The following NFIA variants were observed in gnomAD, a reference collection of about 807,000 sequenced individuals.
The protein encoded by NFIA is nuclear factor 1 A-type.
NFIA carries 8 observed loss-of-function variants against 62.8 expected under a neutral mutation model. The observed-to-expected ratio is 0.13, with a 90% CI of 0.07 to 0.23. NFIA has a LOEUF of 0.23. Among genes scored for constraint, NFIA ranks in the 10% least tolerant of loss-of-function variants. The probability of loss-of-function intolerance (pLI) is 1.00; values close to 1 mark genes in which losing one functional copy is unlikely to be tolerated. For missense variants in NFIA, 410 were observed against 642.1 expected, an observed-to-expected ratio of 0.64 and a Z score of 3.91; for synonymous variants, 235 against 238.1, an observed-to-expected ratio of 0.99 and a Z score of 0.12.
chr1:61,080,332 C>A (rs1200019520), upstream of NFIA, among the ~76,000 whole-genome samples: 1 of 150,400 alleles, frequency 6.6e-6, no homozygotes, highest in Non-Finnish European at 1.5e-5. Flanking sequence ...TAAAAAAAAT[C>A]TTTTTTTTCC....
intron 3 of NFIA, among the ~76,000 whole-genome samples, chr1:61,328,182 G>T (rs547146497): frequency 4.1e-4 from 62 of 150,482 alleles, no homozygotes; most frequent in African/African-American, 1.4e-3. Flanking sequence ...CATATTTCTT[G>T]TAAACTTTCT....
At chr1:61,247,792 T>C (rs1655746708) in intron 2 of NFIA, among the ~76,000 whole-genome samples, 1 of 152,146 alleles carries the variant, frequency 6.6e-6, no homozygotes, top group African/African-American at 2.4e-5. Flanking sequence ...TGGTTTTAAC[T>C]TGGAAAAAGG....
intron 2 of NFIA, among the ~76,000 whole-genome samples, chr1:61,242,194 C>T (rs912470433): frequency 1.6e-4 from 25 of 152,170 alleles, no homozygotes; most frequent in African/African-American, 5.1e-4. Flanking sequence ...GTGTAAATAC[C>T]GGATGCAGGG....
chr1:61,403,034 G>A (rs1229869840), intron 7 of NFIA, among the ~76,000 whole-genome samples: 2 of 152,182 alleles, frequency 1.3e-5, no homozygotes, highest in African/African-American at 2.4e-5. Context: ...TCAGTATTAT[G>A]AGTCATTCTT....
At chr1:61,388,600 A>G (rs1310644532) in intron 7 of NFIA, among the ~76,000 whole-genome samples, 1 of 152,212 alleles carries the variant, frequency 6.6e-6, no homozygotes, top group Non-Finnish European at 1.5e-5. Context: ...ACTCTGCACT[A>G]AGTAAAACAA....
chr1:61,082,692 C>T lies in NFIA; in HGVS notation c.-100C>T, dbSNP rs1418599546. 75 of 1,542,202 alleles carry T rather than the reference C, an allele frequency of 4.9e-5. No homozygotes were observed. The highest frequency in any genetic ancestry group is 6.1e-5 in the Non-Finnish European group (70 of 1,141,826). On this transcript the variant is annotated 5_prime_UTR_variant, in exon 1 of 11. Transcript: ENST00000403491. ...CCCCCTTCTCTCTCTCTCTCTCTCT[C>T]TCTCTTCCTCTCTCCCTCTTTCTCC... is the stretch of plus-strand genomic sequence containing the variant.
intron 2 of NFIA, among the ~76,000 whole-genome samples, chr1:61,112,626 CACATCTGTAATCAGAAACTT>C (rs1465216996): frequency 3.3e-5 from 5 of 152,122 alleles, no homozygotes; most frequent in Non-Finnish European, 4.4e-5. Context: ...TGTGATAGCT[CACATCTGTAATCAGAAACTT>C]ACTGTTTAAT....
intron 9 of NFIA, among the ~76,000 whole-genome samples, chr1:61,408,401 A>G (rs1240928175): frequency 2.0e-5 from 3 of 152,332 alleles, no homozygotes; most frequent in Middle Eastern, 6.8e-3. Context: ...TTTATGTAAC[A>G]TCTTTAAACA....
intron 3 of NFIA, among the ~76,000 whole-genome samples, chr1:61,313,907 G>T (rs955261639): frequency 6.6e-6 from 1 of 152,142 alleles, no homozygotes; most frequent in Non-Finnish European, 1.5e-5. Context: ...GTTACTGTCT[G>T]TGTGACCTTA....
chr1:61,266,241 C>CCAT (rs1657156225), intron 2 of NFIA, among the ~76,000 whole-genome samples: 1 of 152,094 alleles, frequency 6.6e-6, no homozygotes, highest in African/African-American at 2.4e-5. Flanking sequence ...ATGAAACATA[C>CCAT]CATCTTCCAG....
upstream of NFIA, among the ~76,000 whole-genome samples, chr1:61,078,836 G>GT (rs1461774908): frequency 6.6e-6 from 1 of 152,210 alleles, no homozygotes; most frequent in African/African-American, 2.4e-5. Context: ...CTAACTGTTA[G>GT]TTGGAGTCTG....
At chr1:61,258,198 A>G (rs141823211) in intron 2 of NFIA, among the ~76,000 whole-genome samples, 4 of 152,320 alleles carry the variant, frequency 2.6e-5, no homozygotes, top group Middle Eastern at 3.4e-3. Flanking sequence ...AATTTTGGAA[A>G]CAGCATTCTC....
intron 2 of NFIA, among the ~76,000 whole-genome samples, chr1:61,248,421 T>A (rs1419364540): frequency 6.6e-6 from 1 of 152,144 alleles, no homozygotes; most frequent in East Asian, 1.9e-4. Flanking sequence ...TTTCAGGCTT[T>A]CTGGAACCCC....
intron 3 of NFIA, among the ~76,000 whole-genome samples, chr1:61,287,608 C>T (rs994806792): frequency 6.6e-6 from 1 of 152,010 alleles, no homozygotes; most frequent in Non-Finnish European, 1.5e-5. Flanking sequence ...AGTTTGAGAC[C>T]AGCCTGGGCA....
intron 2 of NFIA, among the ~76,000 whole-genome samples, chr1:61,138,977 G>A (rs1419426417): frequency 6.6e-6 from 1 of 151,812 alleles, no homozygotes; most frequent in African/African-American, 2.4e-5. Flanking sequence ...ATCACTTGAA[G>A]CCAGGAGATC....
intron 3 of NFIA, among the ~76,000 whole-genome samples, chr1:61,290,216 G>C (rs1209608256): frequency 6.6e-6 from 1 of 152,030 alleles, no homozygotes; most frequent in Non-Finnish European, 1.5e-5. Flanking sequence ...TAGTTGCAAG[G>C]TATTTATACC....
intron 4 of NFIA, among the ~76,000 whole-genome samples, chr1:61,338,560 A>G (rs1014278778): frequency 6.6e-6 from 1 of 152,206 alleles, no homozygotes; most frequent in African/African-American, 2.4e-5. Flanking sequence ...TTAGATTTTC[A>G]GGCTAGTAAT....
chr1:61,329,918 G>A (rs1661200176), intron 3 of NFIA, among the ~76,000 whole-genome samples: 1 of 152,186 alleles, frequency 6.6e-6, no homozygotes, highest in South Asian at 2.1e-4. Flanking sequence ...CTGGTGAAGA[G>A]GGAAGGTCCT....
At chr1:61,112,863 C>T (rs137939826) in intron 2 of NFIA, among the ~76,000 whole-genome samples, 196 of 152,132 alleles carry the variant, frequency 1.3e-3, no homozygotes, top group Non-Finnish European at 1.6e-3. Flanking sequence ...TTAATTACAT[C>T]GTGCATATAT....
Sources: allele counts gnomAD v4.1 joint callset (sites outside exome capture counted in the v4.1 genomes callset), GRCh38; gene constraint gnomAD v4.1.1; transcripts MANE v1.5; gene names NCBI Gene and HGNC (gene_info 2026-07-23, HGNC 2026-07-21).